The following RICTOR variants were observed in gnomAD, a reference collection of about 807,000 sequenced individuals.
RICTOR encodes rapamycin-insensitive companion of mTOR.
Under a neutral mutation model 214.9 loss-of-function variants are expected in RICTOR, and 49 were observed. The ratio of observed to expected loss-of-function variants is 0.23; its 90% CI spans 0.18 to 0.29. RICTOR has a LOEUF of 0.29. Among genes scored for constraint, RICTOR ranks in the 10% least tolerant of loss-of-function variants. RICTOR has a pLI of 1.00. For synonymous variants in RICTOR, 717 were observed against 711.3 expected (o/e 1.01, Z -0.13); for missense variants, 1,625 against 2,047.0 (o/e 0.79, Z 3.98).
intron 3 of RICTOR, among the ~76,000 whole-genome samples, chr5:39,017,035 G>C (rs1313489027): frequency 1.3e-5 from 2 of 152,014 alleles, no homozygotes; most frequent in Non-Finnish European, 2.9e-5. Flanking sequence ...AATTACACAT[G>C]TGGCTCACAT....
chr5:38,942,452 A>AT (rs200385182), intron 37 of RICTOR, 74 bp from the exon 38 acceptor site: 135,126 of 556,556 alleles, frequency 0.24, 4,543 homozygotes, highest in Non-Finnish European at 0.26. Context: ...TAAATATCTA[A>AT]TTTTTTTTTT....
rs1454420055 is a variant in RICTOR, at chr5:38,964,981, A to T, written c.1300-89T>A. 1.4e-5 allele frequency: 9 copies of T among 660,120 alleles called. No individual in the cohort carries two copies. In the East Asian group the frequency reaches 2.7e-4, roughly 19 times the overall value. 40.9% of individuals were successfully genotyped at this position (660,120 alleles called of 1,614,324 possible). ...ACCTGCACATATAATGCTGTATTCA[A>T]GACTATTACAAATTCTGAGGTTTTA... On this transcript the variant is annotated intron_variant, in intron 15 of 37. Coordinates refer to ENST00000357387, the MANE Select transcript of RICTOR (RefSeq NM_152756.5).
At chr5:38,973,961 C>G (rs1371427278) in intron 10 of RICTOR, among the ~76,000 whole-genome samples, 1 of 152,016 alleles carries the variant, frequency 6.6e-6, no homozygotes, top group Non-Finnish European at 1.5e-5. Flanking sequence ...GTTATTTCCA[C>G]GAGACAAATG....
chr5:39,011,395 A>C (rs987112102), intron 3 of RICTOR, among the ~76,000 whole-genome samples: 17 of 152,188 alleles, frequency 1.1e-4, no homozygotes, highest in Admixed American at 4.6e-4. Context: ...CTGCTAGGAC[A>C]CTGTGGAAGG....
intron 2 of RICTOR, among the ~76,000 whole-genome samples, chr5:39,052,755 T>C (rs867964019): frequency 6.6e-6 from 1 of 152,222 alleles, no homozygotes; most frequent in Non-Finnish European, 1.5e-5. Context: ...ACCTTTCTCG[T>C]ACCTAGAGAG....
chr5:39,013,232 G>A (rs1040626390), intron 3 of RICTOR, among the ~76,000 whole-genome samples: 70 of 152,114 alleles, frequency 4.6e-4, no homozygotes, highest in Admixed American at 4.6e-3. Context: ...TATTTTATGA[G>A]TATAACACGT....
Position 38,964,812 on chromosome 5 carries a change from A to T in RICTOR, c.1380T>A (p.Asp460Glu), listed in dbSNP as rs1561467451. The T allele has an allele frequency of 6.3e-7, 1 of 1,589,808 alleles. No individual in the cohort carries two copies. Among genetic ancestry groups the T allele is most frequent in the Non-Finnish European group, 8.6e-7 (1 of 1,161,300 alleles). The change falls in exon 16 of 38, where the codon GAT becomes GAA. Residue 460 changes from aspartate (D) to glutamate (E), a missense_variant. Transcript: ENST00000357387. ...CTTACAGTCTCTTTTCCTTGGGGAT[A>T]TCAAAGGATGCAGCCATATTCATTA... The part of the protein sequence containing the change: ...PTLMNMAASF[D>E]IPKEKRLRAS...
At chr5:39,051,029 CCATA>C (rs1174394529) in intron 2 of RICTOR, among the ~76,000 whole-genome samples, 2 of 134,270 alleles carry the variant, frequency 1.5e-5, no homozygotes, top group Non-Finnish European at 3.2e-5. Flanking sequence ...TTCTCTCTCC[CCATA>C]CATATATATA....
intron 2 of RICTOR, among the ~76,000 whole-genome samples, chr5:39,056,594 G>A (rs1758222159): frequency 6.6e-6 from 1 of 151,886 alleles, no homozygotes; most frequent in Admixed American, 6.6e-5. Context: ...CCATGATCAT[G>A]CCACTGCCCT....
intron 11 of RICTOR, chr5:38,970,219 A>T (rs1301731256): frequency 1.3e-5 from 2 of 152,208 alleles, no homozygotes; most frequent in Non-Finnish European, 2.9e-5. Context: ...CTTAGAACAC[A>T]TTCCTATCAT....
chr5:38,990,801 T>TATATGAG lies in RICTOR; in HGVS notation c.583+147_583+148insCTCATAT, dbSNP rs1554068193. The TATATGAG allele has an allele frequency of 3.6e-3, 291 of 80,968 alleles. 27 individuals are homozygous for TATATGAG. The highest frequency in any genetic ancestry group is 0.015 in the African/African-American group (225 of 15,294). The allele number at this position is 80,968 out of a possible 1,614,324, so 5.0% of individuals were successfully genotyped here. The stretch of plus-strand genomic sequence containing the variant: ...TATATGAGATATATGAGATATATGA[T>TATATGAG]ATATATGAGATATATGAGATATATG... On this transcript the variant is annotated intron_variant, in intron 7 of 37. Transcript: ENST00000357387.
At chr5:38,972,871 C>CAA (rs34804901) in intron 10 of RICTOR, among the ~76,000 whole-genome samples, 5 of 66,266 alleles carry the variant, frequency 7.5e-5, no homozygotes, top group Admixed American at 3.3e-4. Flanking sequence ...AACAGAAGGG[C>CAA]AAAAAAAAAA....
chr5:39,065,506 G>A (rs953660096), intron 2 of RICTOR, among the ~76,000 whole-genome samples: 18 of 152,128 alleles, frequency 1.2e-4, no homozygotes, highest in Non-Finnish European at 2.5e-4. Flanking sequence ...ATAAACTCAT[G>A]CCTTCCCAAC....
intron 2 of RICTOR, among the ~76,000 whole-genome samples, chr5:39,036,909 G>A (rs562559823): frequency 5.3e-4 from 80 of 152,162 alleles, no homozygotes; most frequent in African/African-American, 1.8e-3. Context: ...ACAGATCAAC[G>A]AGACAGAAAG....
intron 17 of RICTOR, 134 bp downstream of exon 17, chr5:38,962,742 T>C (rs1749899280): frequency 2.4e-6 from 2 of 847,520 alleles, no homozygotes; most frequent in South Asian, 3.8e-5. Context: ...CTCCAAATTA[T>C]AAAACTCAGA....
chr5:38,996,773 C>CTT lies in RICTOR; in HGVS notation c.456+45_456+46insAA, dbSNP rs776124938. On this transcript the variant is annotated intron_variant, in intron 6 of 37. Coordinates refer to ENST00000357387, the MANE Select transcript of RICTOR (RefSeq NM_152756.5). The stretch of plus-strand genomic sequence containing the variant: ...TCTAATCTAAAAATGTAAATATTAA[C>CTT]ATAAAAACCATAAATTTGCCTTTTA... 1.6e-5 allele frequency: 19 copies of CTT among 1,163,690 alleles called. No homozygotes were observed. In the Admixed American group the frequency reaches 3.1e-4, roughly 19 times the overall value. 72.1% of individuals were successfully genotyped at this position (1,163,690 alleles called of 1,614,324 possible).
chr5:39,052,132 G>C (rs953357496), intron 2 of RICTOR, among the ~76,000 whole-genome samples: 2 of 151,892 alleles, frequency 1.3e-5, no homozygotes, highest in Non-Finnish European at 2.9e-5. Flanking sequence ...CCAGCACTTT[G>C]GGATGCTGAT....
intron 31 of RICTOR, 156 bp downstream of exon 31, chr5:38,949,556 C>A: frequency 9.5e-7 from 1 of 1,056,008 alleles, no homozygotes; most frequent in South Asian, 1.6e-5. Flanking sequence ...CATTTCAAGT[C>A]ATATCGGGTA....
At chr5:39,005,883 A>C (rs571376468) in intron 3 of RICTOR, among the ~76,000 whole-genome samples, 1 of 152,326 alleles carries the variant, frequency 6.6e-6, no homozygotes, top group African/African-American at 2.4e-5. Context: ...CTTATTGTTA[A>C]GAAAACTAGT....
Sources: allele counts gnomAD v4.1 joint callset (sites outside exome capture counted in the v4.1 genomes callset), GRCh38; gene constraint gnomAD v4.1.1; transcripts MANE v1.5; gene names NCBI Gene and HGNC (gene_info 2026-07-23, HGNC 2026-07-21).